The following ZWILCH variants were observed in gnomAD, a reference collection of about 807,000 sequenced individuals.
ZWILCH encodes the protein protein zwilch homolog.
Under a neutral mutation model 79.9 loss-of-function variants are expected in ZWILCH, and 74 were observed. The observed-to-expected ratio is 0.93, with a 90% CI of 0.77 to 1.12. The LOEUF is 1.12. Ranked by LOEUF, ZWILCH falls within the 50% of genes most tolerant of loss-of-function variation. The pLI is 0.00. For missense variants in ZWILCH, 694 were observed against 687.5 expected (o/e 1.01, Z -0.11); for synonymous variants, 241 against 228.2 (o/e 1.06, Z -0.51).
intron 2 of ZWILCH, among the ~76,000 whole-genome samples, chr15:66,512,555 A>G (rs112940039): frequency 0.013 from 1,960 of 151,972 alleles, 34 homozygotes; most frequent in African/African-American, 0.045. Flanking sequence ...GCATATATTT[A>G]TATTTAAACA....
At position 66,521,755 on chromosome 15, in the gene ZWILCH, A is replaced by C. The variant is rs539048214; in HGVS notation, c.747+550A>C. ...GTGATCCTCCCACCTCCACCTCCCA[A>C]AGTGGCTCACGCCGGGATTATAGGC... On this transcript the variant is annotated intron_variant, in intron 7 of 18. Coordinates refer to ENST00000307897, the MANE Select transcript of ZWILCH (RefSeq NM_017975.5). Among the ~76,000 whole-genome samples the C allele has an allele frequency of 8.4e-4, 127 of 151,982 alleles. 2 individuals carry two copies. In the South Asian group the frequency reaches 9.8e-3, roughly 12 times the overall value.
intron 10 of ZWILCH, 145 bp downstream of exon 10, chr15:66,528,057 C>T (rs539801387): frequency 2.1e-6 from 1 of 470,666 alleles, no homozygotes; most frequent in South Asian, 4.4e-5. Flanking sequence ...TCTTTATTGT[C>T]AGCACTGGTT....
intron 1 of ZWILCH, 181 bp downstream of exon 1, chr15:66,505,572 C>T: frequency 1.5e-6 from 1 of 649,304 alleles, no homozygotes; most frequent in East Asian, 3.0e-5. Flanking sequence ...CGTGTGGGAG[C>T]TTGCTTGTCT....
chr15:66,508,774 A>C, intron 1 of ZWILCH, 67 bp from the exon 2 acceptor site: 1 of 1,601,724 alleles, frequency 6.2e-7, no homozygotes, highest in Non-Finnish European at 8.5e-7. Flanking sequence ...GTGATGACTG[A>C]CTCCTGAGTG....
intron 4 of ZWILCH, among the ~76,000 whole-genome samples, chr15:66,517,408 TTGTG>T (rs1041183263): frequency 7.9e-4 from 35 of 44,154 alleles, no homozygotes; most frequent in Admixed American, 1.7e-3. Flanking sequence ...GATTTTGTGT[TTGTG>T]TGTGCGTGTG....
intron 14 of ZWILCH, among the ~76,000 whole-genome samples, chr15:66,533,380 T>C (rs1894912024): frequency 1.3e-5 from 2 of 152,246 alleles, no homozygotes; most frequent in African/African-American, 4.8e-5. Flanking sequence ...AAGTTTATTT[T>C]CCAAATAATT....
In ZWILCH at chr15:66,512,422, AT is replaced by A. The variant is rs546794689; in HGVS notation, c.106-1552del. On this transcript the variant is annotated intron_variant, in intron 2 of 18. Coordinates refer to ENST00000307897, the MANE Select transcript of ZWILCH (RefSeq NM_017975.5). ...TACCAGTGCACCACCATACCTGGCTATTTTTTTTTTTTTTAAGAGACATGGT... is the reference window on the plus strand; with the variant it reads ...TACCAGTGCACCACCATACCTGGCTATTTTTTTTTTTTTAAGAGACATGGT... 5.8e-3 allele frequency among the ~76,000 whole-genome samples: 819 copies of A among 140,382 alleles called. 2 individuals carry two copies. The highest frequency in any genetic ancestry group is 0.011 in the Middle Eastern group (3 of 270). The allele number at this position is 140,382 out of a possible 152,430, so 92.1% of individuals were successfully genotyped here. A position where few individuals can be genotyped will look rare whatever the true frequency, so the allele number is the denominator to read the frequency against.
chr15:66,541,793 GTTTT>G (rs763618422), intron 17 of ZWILCH, among the ~76,000 whole-genome samples: 38 of 152,142 alleles, frequency 2.5e-4, no homozygotes, highest in Non-Finnish European at 4.0e-4. Flanking sequence ...AAATCTGATA[GTTTT>G]CAGACTGAAT....
chr15:66,539,216 A>C (rs1481617304), intron 16 of ZWILCH, among the ~76,000 whole-genome samples: 1 of 152,070 alleles, frequency 6.6e-6, no homozygotes, highest in African/African-American at 2.4e-5. Context: ...TAGCCTGGGC[A>C]ACACGGTGAA....
intron 5 of ZWILCH, 168 bp downstream of exon 5, chr15:66,519,246 T>C (rs1169050056): frequency 1.6e-6 from 1 of 637,240 alleles, no homozygotes; most frequent in Admixed American, 2.9e-5. Flanking sequence ...ATGTGGGAGG[T>C]ATTCCAGAAA....
At chr15:66,513,931 T>G in intron 2 of ZWILCH, 57 bp from the exon 3 acceptor site, 1 of 1,355,002 alleles carries the variant, frequency 7.4e-7, no homozygotes. Context: ...TTTATGTGTT[T>G]AGATAGTAGA....
intron 8 of ZWILCH, among the ~76,000 whole-genome samples, chr15:66,525,234 C>G (rs112874408): frequency 0.013 from 1,971 of 152,322 alleles, 35 homozygotes; most frequent in African/African-American, 0.045. Context: ...AGCTGCCACT[C>G]TGCTGTGTGC....
intron 4 of ZWILCH, among the ~76,000 whole-genome samples, chr15:66,515,876 A>T (rs1894233777): frequency 6.6e-6 from 1 of 151,978 alleles, no homozygotes; most frequent in Admixed American, 6.6e-5. Context: ...ATACCAATTT[A>T]TTGTTGTTTC....
At chr15:66,514,681 C>G (rs1894191186) in intron 3 of ZWILCH, among the ~76,000 whole-genome samples, 1 of 152,130 alleles carries the variant, frequency 6.6e-6, no homozygotes, top group South Asian at 2.1e-4. Context: ...CCACCACAAT[C>G]AGGATATATA....
chr15:66,522,817 A>C (rs1389149073), intron 7 of ZWILCH, among the ~76,000 whole-genome samples: 2 of 151,972 alleles, frequency 1.3e-5, no homozygotes, highest in African/African-American at 4.8e-5. Flanking sequence ...GAGTGGCAAG[A>C]TTATGGATAA....
chr15:66,517,455 T>TATATATATATATATATATATATGG (rs1180456312), intron 4 of ZWILCH, among the ~76,000 whole-genome samples: 1 of 115,222 alleles, frequency 8.7e-6, no homozygotes, highest in Non-Finnish European at 1.9e-5. Context: ...TATATATATA[T>TATATATATATATATATATATATGG]AGTAATGTAC....
intron 2 of ZWILCH, 36 bp downstream of exon 2, chr15:66,508,928 C>T: frequency 1.9e-6 from 3 of 1,605,300 alleles, no homozygotes; most frequent in Non-Finnish European, 2.6e-6. Flanking sequence ...CAACTCTAAT[C>T]CTAAAATTGT....
chr15:66,542,949 G>A (rs980837825), intron 17 of ZWILCH, among the ~76,000 whole-genome samples: 8 of 152,200 alleles, frequency 5.3e-5, no homozygotes, highest in African/African-American at 1.4e-4. Flanking sequence ...CTGTGCTGGC[G>A]TGGGTATGGG....
At position 66,521,261 on chromosome 15, in the gene ZWILCH, A is replaced by T; in HGVS notation, c.747+56A>T. On this transcript the variant is annotated intron_variant, in intron 7 of 18. Transcript: ENST00000307897. ...TCATGAGACTCCTAAATGTTGGCTT[A>T]CTTGGTTGTTGCTGGTGCTCCATGC... 5.0e-6 allele frequency: 8 copies of T among 1,585,638 alleles called. No homozygotes were observed. In the South Asian group the frequency reaches 8.9e-5, roughly 18 times the overall value.
Sources: allele counts gnomAD v4.1 joint callset (sites outside exome capture counted in the v4.1 genomes callset), GRCh38; gene constraint gnomAD v4.1.1; transcripts MANE v1.5; gene names NCBI Gene and HGNC (gene_info 2026-07-23, HGNC 2026-07-21).